Variants in ZDHHC17 observed in about 807,000 individuals in gnomAD.
ZDHHC17 encodes palmitoyltransferase ZDHHC17.
A neutral mutation model predicts 90.3 loss-of-function variants in ZDHHC17; 40 were observed. That is an observed-to-expected ratio of 0.44 (90% CI 0.34 to 0.58). ZDHHC17 has a LOEUF of 0.58. Ranked by LOEUF, ZDHHC17 falls within the 20% of genes least tolerant of loss-of-function variation. ZDHHC17 has a pLI of 0.01. For missense variants in ZDHHC17, 614 were observed against 780.8 expected (o/e 0.79, Z 2.55); for synonymous variants, 235 against 252.4 (o/e 0.93, Z 0.65).
Position 76,764,170 on chromosome 12 carries a change from C to A in ZDHHC17, c.-67C>A, listed in dbSNP as rs574148031. 3 of 1,229,366 alleles carry A rather than the reference C, an allele frequency of 2.4e-6. No individual in the cohort carries two copies. The highest frequency in any genetic ancestry group is 3.3e-6 in the Non-Finnish European group (3 of 913,824). The allele number at this position is 1,229,366 out of a possible 1,614,324, so 76.2% of individuals were successfully genotyped here. A position where few individuals can be genotyped will look rare whatever the true frequency, so the allele number is the denominator to read the frequency against. On this transcript the variant is annotated 5_prime_UTR_variant, in exon 1 of 17. Coordinates refer to ENST00000426126, the MANE Select transcript of ZDHHC17 (RefSeq NM_015336.4). ...GGCCCGCGTCGCCTCCGGCGGGGCT[C>A]GCGCTCGCCCCGCGCTCGCCCTCCG...
At position 76,852,885 on chromosome 12, in the gene ZDHHC17, A is replaced by G. The variant is rs538774754; in HGVS notation, c.*1900A>G. 4 of 152,596 alleles carry G rather than the reference A, an allele frequency of 2.6e-5. No individual in the cohort carries two copies. Among genetic ancestry groups the G allele is most frequent in the Non-Finnish European group, 4.4e-5 (3 of 68,004 alleles). 9.5% of individuals were successfully genotyped at this position (152,596 alleles called of 1,614,324 possible). On this transcript the variant is annotated 3_prime_UTR_variant, in exon 17 of 17. Transcript: ENST00000426126. The stretch of plus-strand genomic sequence containing the variant: ...CAAATGTCAGCTAGTTTTGACTACT[A>G]ATTGGGGGAAATTTTAGATAATTTT...
intron 1 of ZDHHC17, among the ~76,000 whole-genome samples, chr12:76,768,768 C>T (rs933738529): frequency 6.6e-6 from 1 of 152,156 alleles, no homozygotes; most frequent in African/African-American, 2.4e-5. Flanking sequence ...ACAATATCCC[C>T]TTCTGCCACA....
chr12:76,836,661 C>T (rs569960932), intron 10 of ZDHHC17, among the ~76,000 whole-genome samples: 15 of 152,102 alleles, frequency 9.9e-5, no homozygotes, highest in Middle Eastern at 6.8e-3. Context: ...TGTATGCTAC[C>T]TCAGCTGCAT....
At chr12:76,789,834 A>G (rs1354349643) in intron 1 of ZDHHC17, among the ~76,000 whole-genome samples, 2 of 152,184 alleles carry the variant, frequency 1.3e-5, no homozygotes, top group African/African-American at 4.8e-5. Context: ...CTGACTAGTT[A>G]TTCTCAAAAC....
chr12:76,764,244 G>A lies in ZDHHC17; in HGVS notation c.8G>A (p.Arg3Gln), dbSNP rs1255924868. Reference sequence around the variant, plus strand: ...GAAACGCTTTCTCCCAGCATGCAGCGGGAGGAGGGATTTAACACCAAGATG... The same window carrying A: ...GAAACGCTTTCTCCCAGCATGCAGCAGGAGGAGGGATTTAACACCAAGATG... MQREEGFNTKMAD... is the reference protein window; with the variant it reads MQQEEGFNTKMAD... The change falls in exon 1 of 17, where the codon CGG becomes CAG. Residue 3 changes from arginine (R) to glutamine (Q), a missense_variant. This residue lies in a region of ZDHHC17 where 358 missense variants were observed against 380.4 expected (regional missense o/e 0.94). Transcript: ENST00000426126. 2 of 1,601,590 alleles carry A rather than the reference G, an allele frequency of 1.2e-6. No homozygotes were observed. The highest frequency in any genetic ancestry group is 1.7e-4 in the Middle Eastern group (1 of 6,030).
chr12:76,849,532 A>T, intron 16 of ZDHHC17, 62 bp downstream of exon 16: 1 of 1,007,516 alleles, frequency 9.9e-7, no homozygotes. Context: ...TACTAACCAG[A>T]CTCTTTTACT....
chr12:76,820,852 T>A (rs1953155848), intron 7 of ZDHHC17, among the ~76,000 whole-genome samples: 1 of 152,214 alleles, frequency 6.6e-6, no homozygotes, highest in South Asian at 2.1e-4. Flanking sequence ...TTGCTGTTGT[T>A]GCTATTGTTA....
At chr12:76,831,525 A>G (rs1291897933) in intron 10 of ZDHHC17, among the ~76,000 whole-genome samples, 2 of 151,684 alleles carry the variant, frequency 1.3e-5, no homozygotes, top group Non-Finnish European at 2.9e-5. Context: ...TAATTTCTTA[A>G]ATTTTTAGTA....
chr12:76,789,716 A>C (rs901351943), intron 1 of ZDHHC17, among the ~76,000 whole-genome samples: 1 of 151,698 alleles, frequency 6.6e-6, no homozygotes, highest in Non-Finnish European at 1.5e-5. Context: ...CGAAAAAAAA[A>C]ATAAGGTTAG....
chr12:76,834,744 G>C (rs1953344073), intron 10 of ZDHHC17, among the ~76,000 whole-genome samples: 1 of 152,144 alleles, frequency 6.6e-6, no homozygotes. Flanking sequence ...AGATGGATGT[G>C]AGGGGAGGGA....
intron 3 of ZDHHC17, among the ~76,000 whole-genome samples, chr12:76,808,289 A>G (rs1952977762): frequency 6.6e-6 from 1 of 152,186 alleles, no homozygotes; most frequent in Non-Finnish European, 1.5e-5. Context: ...ATTCCCAAAG[A>G]AAGCATTATA....
At chr12:76,774,716 G>C (rs986746158) in intron 1 of ZDHHC17, among the ~76,000 whole-genome samples, 1 of 152,124 alleles carries the variant, frequency 6.6e-6, no homozygotes, top group South Asian at 2.1e-4. Flanking sequence ...TTATTATCTG[G>C]AAAGTGGGGT....
chr12:76,806,636 A>G (rs931617433), intron 3 of ZDHHC17, among the ~76,000 whole-genome samples: 7 of 152,118 alleles, frequency 4.6e-5, no homozygotes, highest in Non-Finnish European at 4.4e-5. Flanking sequence ...CGGCTTCCCA[A>G]AGTGCTGGGA....
intron 1 of ZDHHC17, among the ~76,000 whole-genome samples, chr12:76,775,767 T>A (rs535143108): frequency 6.6e-6 from 1 of 152,252 alleles, no homozygotes; most frequent in East Asian, 1.9e-4. Flanking sequence ...TTACTTACTT[T>A]CTTTCTGCAG....
chr12:76,780,903 C>T (rs1383277184), intron 1 of ZDHHC17, among the ~76,000 whole-genome samples: 1 of 151,612 alleles, frequency 6.6e-6, no homozygotes, highest in Non-Finnish European at 1.5e-5. Flanking sequence ...GGGTGGATCA[C>T]GAGGTCAGGA....
At chr12:76,801,183 G>A (rs1210504356) in intron 2 of ZDHHC17, among the ~76,000 whole-genome samples, 1 of 150,840 alleles carries the variant, frequency 6.6e-6, no homozygotes, top group East Asian at 2.0e-4. Flanking sequence ...ACCGCACCTG[G>A]CCAGCATTTG....
At chr12:76,777,894 C>G (rs1952576949) in intron 1 of ZDHHC17, among the ~76,000 whole-genome samples, 1 of 151,770 alleles carries the variant, frequency 6.6e-6, no homozygotes, top group South Asian at 2.1e-4. Context: ...ACTGGTAGAG[C>G]CCAGAGAGGT....
intron 10 of ZDHHC17, among the ~76,000 whole-genome samples, chr12:76,839,220 A>G (rs893828546): frequency 6.6e-6 from 1 of 152,238 alleles, no homozygotes. Context: ...TTGTGAGGAA[A>G]CACAATTTAG....
At chr12:76,777,647 T>A (rs1171285891) in intron 1 of ZDHHC17, among the ~76,000 whole-genome samples, 1 of 152,252 alleles carries the variant, frequency 6.6e-6, no homozygotes, top group Non-Finnish European at 1.5e-5. Context: ...CAGCAGTATA[T>A]GAGTGAGGAT....
Sources: allele counts gnomAD v4.1 joint callset (sites outside exome capture counted in the v4.1 genomes callset), GRCh38; gene constraint gnomAD v4.1.1; regional missense constraint gnomAD v4.1.1; transcripts MANE v1.5; gene names NCBI Gene and HGNC (gene_info 2026-07-23, HGNC 2026-07-21).